KTN1: variants seen among roughly 807,000 people sequenced by gnomAD.
KTN1 encodes the protein kinectin.
Under a neutral mutation model 222.5 loss-of-function variants are expected in KTN1, and 130 were observed. That is an observed-to-expected ratio of 0.58 (90% CI 0.51 to 0.68). The LOEUF is 0.68. KTN1 is among the 30% of genes least tolerant of loss of function. The pLI is 0.00. For synonymous variants in KTN1, 512 were observed against 496.3 expected (o/e 1.03, Z -0.42); for missense variants, 1,508 against 1,500.4 (o/e 1.01, Z -0.08).
intron 40 of KTN1, chr14:55,673,891 T>C (rs2045666738): frequency 6.6e-6 from 1 of 152,152 alleles, no homozygotes; most frequent in Non-Finnish European, 1.5e-5. Context: ...ACTGTACTGA[T>C]TGTGACAGAC....
intron 40 of KTN1, 163 bp downstream of exon 40, chr14:55,673,418 T>G: frequency 2.2e-6 from 1 of 451,158 alleles, no homozygotes; most frequent in Non-Finnish European, 4.0e-6. Context: ...AAGATTATCT[T>G]TCTTTTCTTG....
chr14:55,581,822 C>CT (rs1457476171), intron 1 of KTN1, among the ~76,000 whole-genome samples: 1 of 151,862 alleles, frequency 6.6e-6, no homozygotes, highest in Non-Finnish European at 1.5e-5. Context: ...CTAAATTACT[C>CT]TTGAGTATTT....
chr14:55,659,554 A>G, intron 30 of KTN1, 112 bp from the exon 31 acceptor site: 1 of 730,946 alleles, frequency 1.4e-6, no homozygotes, highest in Non-Finnish European at 2.4e-6. Context: ...CATATGAAAT[A>G]TATACTATTT....
chr14:55,640,382 GA>G lies in KTN1; in HGVS notation c.1925del (p.Asn642IlefsTer2). The G allele has an allele frequency of 1.3e-6, 2 of 1,594,872 alleles. No individual in the cohort carries two copies. Among genetic ancestry groups the G allele is most frequent in the Non-Finnish European group, 1.7e-6 (2 of 1,164,936 alleles). On this transcript the variant is annotated frameshift_variant, in exon 15 of 44. Coordinates refer to ENST00000395314, the MANE Select transcript of KTN1 (RefSeq NM_001079521.2). LOFTEE classifies it high-confidence loss of function. ...ATTTTTCCTTGTTCTAGGATATACAGAATATGAATTTCTTATTAAAAGCTGA... is the reference window on the plus strand; with the variant it reads ...ATTTTTCCTTGTTCTAGGATATACAGATATGAATTTCTTATTAAAAGCTGA... ...SKEEELKDIQ[N>X]MNFLLKAEVQ...
chr14:55,652,650 T>C lies in KTN1; in HGVS notation c.2604-200T>C, dbSNP rs193248963. Among the ~76,000 whole-genome samples, 1,420 of 152,282 alleles carry C rather than the reference T, an allele frequency of 9.3e-3. 17 individuals carry two copies. The highest frequency in any genetic ancestry group is 0.015 in the Non-Finnish European group (1,019 of 68,012). On this transcript the variant is annotated intron_variant, in intron 25 of 43. Transcript: ENST00000395314. The stretch of plus-strand genomic sequence containing the variant: ...TCCTGACCTTGTGATCCGCCCGCCT[T>C]GGCCTCCCAAAGTGTTGGGATTACA...
chr14:55,646,680 C>T (rs1295992210), intron 18 of KTN1, among the ~76,000 whole-genome samples: 1 of 151,550 alleles, frequency 6.6e-6, no homozygotes, highest in Non-Finnish European at 1.5e-5. Context: ...GGAAGTGAGG[C>T]AGATTGTCTT....
intron 43 of KTN1, chr14:55,682,276 C>T (rs1019652012): frequency 2.0e-5 from 3 of 151,720 alleles, no homozygotes; most frequent in Admixed American, 1.3e-4. Context: ...ATTTTTCCTC[C>T]CCCCATCAAA....
chr14:55,633,305 A>T lies in KTN1; in HGVS notation c.1292A>T (p.Asp431Val). 6.3e-7 allele frequency: 1 copy of T among 1,592,828 alleles called. No individual in the cohort carries two copies. Among genetic ancestry groups the T allele is most frequent in the Non-Finnish European group, 8.6e-7 (1 of 1,169,546 alleles). The change falls in exon 8 of 44, where the codon GAT becomes GTT. Residue 431 changes from aspartate (D) to valine (V), a missense_variant. Coordinates refer to ENST00000395314, the MANE Select transcript of KTN1 (RefSeq NM_001079521.2). ...AAGCAGGAAAATGGTATACTGAGAG[A>T]TGCAGTCAGCAACACTACAAATCAA... ...HLKQENGILR[D>V]AVSNTTNQLE...
Position 55,592,449 on chromosome 14 carries a change from C to T in KTN1, c.-31+12095C>T, listed in dbSNP as rs548362709. 3.0e-4 allele frequency among the ~76,000 whole-genome samples: 46 copies of T among 152,196 alleles called. No homozygotes were observed. In the South Asian group the frequency reaches 5.8e-3, roughly 19 times the overall value. Reference sequence around the variant, plus strand: ...TCATAAGAAAATAATTGCAGTTGACCCTTGAACAACATGGGTTTGAACTGC... The same window carrying T: ...TCATAAGAAAATAATTGCAGTTGACTCTTGAACAACATGGGTTTGAACTGC... On this transcript the variant is annotated intron_variant, in intron 1 of 43. Transcript: ENST00000395314.
At position 55,621,091 on chromosome 14, in the gene KTN1, A is replaced by G. The variant is rs111971575; in HGVS notation, c.963+1779A>G. On this transcript the variant is annotated intron_variant, in intron 5 of 43. Coordinates refer to ENST00000395314, the MANE Select transcript of KTN1 (RefSeq NM_001079521.2). The stretch of plus-strand genomic sequence containing the variant: ...TCCCTCAGATCTCTAGGACAGGTGC[A>G]TAATGCCACCAGTCTCTTTGCTAAA... 3.8e-3 allele frequency among the ~76,000 whole-genome samples: 572 copies of G among 152,332 alleles called. 7 individuals are homozygous for G. The highest frequency in any genetic ancestry group is 0.013 in the African/African-American group (552 of 41,578).
Position 55,673,253 on chromosome 14 carries a change from T to G in KTN1, c.3769T>G (p.Leu1257Val). The G allele has an allele frequency of 6.2e-7, 1 of 1,607,518 alleles. No individual in the cohort carries two copies. The highest frequency in any genetic ancestry group is 2.2e-5 in the East Asian group (1 of 44,740). ...AGTAAGACAGAATGAAGAGCTAAAT[T>G]TGGTAAGAAGCTTGTCCTCCACTGG... is the stretch of plus-strand genomic sequence containing the variant. ...EAVRQNEELNLLKAQLNETLT... is the reference protein window; with the variant it reads ...EAVRQNEELNVLKAQLNETLT... Residue 1257 changes from leucine to valine, a missense_variant and splice_region_variant, in exon 40 of 44, where the codon TTG becomes GTG. Leu to Val is a conservative substitution (Grantham distance 32). Transcript: ENST00000395314.
intron 31 of KTN1, among the ~76,000 whole-genome samples, chr14:55,660,690 G>A (rs2044038637): frequency 1.3e-5 from 2 of 152,080 alleles, no homozygotes; most frequent in Non-Finnish European, 2.9e-5. Flanking sequence ...GAAAAGGTTG[G>A]CAAATATTTT....
rs141446764 is a variant in KTN1 at position 55,648,803 on chromosome 14, C to A, written c.2300C>A (p.Ala767Glu). 1 of 1,593,352 alleles carries A rather than the reference C, an allele frequency of 6.3e-7. No individual in the cohort carries two copies. Among genetic ancestry groups the A allele is most frequent in the Admixed American group, 1.7e-5 (1 of 59,422 alleles). Residue 767 changes from alanine (A) to glutamate (E), a missense_variant and splice_region_variant, in exon 21 of 44, where the codon GCA (alanine) becomes GAA (glutamate). By Grantham distance (107) the Ala-to-Glu change is moderately radical. Transcript: ENST00000395314. ...TTTGCTTATGTGTCTTTGAAAAAGG[C>A]AATAAGAACAGAAAATTCATCTCTG... Reference protein sequence around the residue: ...QVATKEEELNAIRTENSSLTK... With the variant: ...QVATKEEELNEIRTENSSLTK...
chr14:55,651,700 T>C (rs2042945289), intron 24 of KTN1, 190 bp from the exon 25 acceptor site: 1 of 535,754 alleles, frequency 1.9e-6, no homozygotes, highest in South Asian at 2.9e-5. Flanking sequence ...TCCCCCTTAT[T>C]ATTTTTAGTT....
intron 24 of KTN1, 193 bp from the exon 25 acceptor site, chr14:55,651,697 T>G: frequency 1.9e-6 from 1 of 533,174 alleles, no homozygotes; most frequent in African/African-American, 1.9e-5. Flanking sequence ...CCCTCCCCCT[T>G]ATTATTTTTA....
intron 1 of KTN1, among the ~76,000 whole-genome samples, chr14:55,585,542 A>G (rs2032811000): frequency 6.6e-6 from 1 of 152,074 alleles, no homozygotes; most frequent in African/African-American, 2.4e-5. Context: ...GATTTCTAGT[A>G]TTGGTTTCTT....
Position 55,580,242 on chromosome 14 carries a change from A to T in KTN1, c.-143A>T, listed in dbSNP as rs2030975557. The stretch of plus-strand genomic sequence containing the variant: ...GTTTCCTGCCGAGCGGCGCGACGGC[A>T]CCTGAGCGACTGCGGCGGCGGCGGC... On this transcript the variant is annotated 5_prime_UTR_variant, in exon 1 of 44. Transcript: ENST00000395314. 1 of 147,468 alleles carries T rather than the reference A, an allele frequency of 6.8e-6. No homozygotes were observed. Among genetic ancestry groups the T allele is most frequent in the South Asian group, 1.9e-4 (1 of 5,180 alleles). The allele number at this position is 147,468 out of a possible 1,614,324, so 9.1% of individuals were successfully genotyped here. A position where few individuals can be genotyped will look rare whatever the true frequency, so the allele number is the denominator to read the frequency against.
chr14:55,665,124 A>G (rs1051119286), intron 33 of KTN1, among the ~76,000 whole-genome samples: 1 of 151,968 alleles, frequency 6.6e-6, no homozygotes, highest in Admixed American at 6.6e-5. Context: ...GCTGAGAGGT[A>G]TATTGGGACC....
At chr14:55,681,804 G>A (rs2046393440) in intron 43 of KTN1, 1 of 152,082 alleles carries the variant, frequency 6.6e-6, no homozygotes, top group Non-Finnish European at 1.5e-5. Context: ...CATTGACATT[G>A]ATAATTCTTC....
Sources: allele counts gnomAD v4.1 joint callset (sites outside exome capture counted in the v4.1 genomes callset), GRCh38; gene constraint gnomAD v4.1.1; transcripts MANE v1.5; gene names NCBI Gene and HGNC (gene_info 2026-07-23, HGNC 2026-07-21).